The following UBE2N variants were observed in gnomAD, a reference collection of about 807,000 sequenced individuals.
The protein encoded by UBE2N is ubiquitin conjugating enzyme E2 N.
For missense variants in UBE2N, 60 were observed against 192.1 expected, an observed-to-expected ratio of 0.31 and a Z score of 4.07; for synonymous variants, 70 against 69.2, an observed-to-expected ratio of 1.01 and a Z score of -0.06.
In UBE2N at chr12:93,406,235, T is replaced by C. The variant is rs1302804804; in HGVS notation, c.*3804A>G. On this transcript the variant is annotated 3_prime_UTR_variant, in exon 4 of 4. Coordinates refer to ENST00000318066, the MANE Select transcript of UBE2N (RefSeq NM_003348.4). ...GTGAGCCAAGATCATGCCACAGCAC[T>C]CCAGCCTAAACTACAGAGCTAGAAA... The C allele has an allele frequency of 8.7e-6, 1 of 115,048 alleles. No individual in the cohort carries two copies. The highest frequency in any genetic ancestry group is 3.3e-5 in the African/African-American group (1 of 29,854). The allele number at this position is 115,048 out of a possible 1,614,324, so 7.1% of individuals were successfully genotyped here.
chr12:93,428,038 C>T (rs1419685910), intron 1 of UBE2N, among the ~76,000 whole-genome samples: 1 of 152,164 alleles, frequency 6.6e-6, no homozygotes, highest in Non-Finnish European at 1.5e-5. Flanking sequence ...ATTTCACCCT[C>T]CCAACTAGTA....
At chr12:93,433,446 G>A (rs955354904) in intron 1 of UBE2N, among the ~76,000 whole-genome samples, 1 of 152,144 alleles carries the variant, frequency 6.6e-6, no homozygotes, top group Non-Finnish European at 1.5e-5. Context: ...TTTAGCTGAA[G>A]TTAAAAGATT....
At chr12:93,411,323 T>C (rs2121055385) in intron 1 of UBE2N, 24 bp from the exon 2 acceptor site, 1 of 1,568,118 alleles carries the variant, frequency 6.4e-7, no homozygotes, top group Non-Finnish European at 8.6e-7. Flanking sequence ...ACAAACACAT[T>C]TGTGAAACAA....
chr12:93,429,687 G>T (rs1418210058), intron 1 of UBE2N, among the ~76,000 whole-genome samples: 1 of 151,974 alleles, frequency 6.6e-6, no homozygotes, highest in Non-Finnish European at 1.5e-5. Flanking sequence ...GAAGACCTTC[G>T]AGTAGGACAA....
chr12:93,431,113 G>C lies in UBE2N; in HGVS notation c.30+10742C>G, dbSNP rs542341052. 2.0e-5 allele frequency among the ~76,000 whole-genome samples: 3 copies of C among 152,238 alleles called. No homozygotes were observed. In the South Asian group the frequency reaches 6.2e-4, roughly 32 times the overall value. On this transcript the variant is annotated intron_variant, in intron 1 of 3. Transcript: ENST00000318066. ...GTGGTGGCGGGCACCTGTAATCCCAGCTACTCGGAAGGCTGAGGCAGGAGA... is the reference window on the plus strand; with the variant it reads ...GTGGTGGCGGGCACCTGTAATCCCACCTACTCGGAAGGCTGAGGCAGGAGA...
chr12:93,418,364 AAAAAC>A (rs138198665), intron 1 of UBE2N, among the ~76,000 whole-genome samples: 4 of 151,846 alleles, frequency 2.6e-5, no homozygotes, highest in African/African-American at 2.4e-5. Context: ...CTTGTCTCTT[AAAAAC>A]AAAACAAAAC....
chr12:93,414,245 T>C (rs138818440), intron 1 of UBE2N, among the ~76,000 whole-genome samples: 1 of 150,938 alleles, frequency 6.6e-6, no homozygotes, highest in Non-Finnish European at 1.5e-5. Context: ...AGGTCAGGAG[T>C]TCGAGACCAG....
chr12:93,424,700 T>C (rs561664908), intron 1 of UBE2N, among the ~76,000 whole-genome samples: 30 of 152,214 alleles, frequency 2.0e-4, no homozygotes, highest in Middle Eastern at 3.2e-3. Flanking sequence ...TACAGTGAAA[T>C]ACTTTGGATT....
Position 93,408,190 on chromosome 12 carries a change from C to T in UBE2N, c.*1849G>A, listed in dbSNP as rs1005123193. ...TTAAAGTGAGATTCAATTTCCTTAG[C>T]TATAGTCAAATGTACCCTTTAAACA... On this transcript the variant is annotated 3_prime_UTR_variant, in exon 4 of 4. Coordinates refer to ENST00000318066, the MANE Select transcript of UBE2N (RefSeq NM_003348.4). The T allele has an allele frequency of 6.6e-6, 1 of 152,162 alleles. No individual in the cohort carries two copies. The highest frequency in any genetic ancestry group is 1.5e-5 in the Non-Finnish European group (1 of 68,022). 9.4% of individuals were successfully genotyped at this position (152,162 alleles called of 1,614,324 possible).
At chr12:93,421,303 A>G (rs1045504495) in intron 1 of UBE2N, among the ~76,000 whole-genome samples, 11 of 151,748 alleles carry the variant, frequency 7.2e-5, no homozygotes, top group Non-Finnish European at 1.5e-4. Flanking sequence ...CCGGGTTCAC[A>G]CCATTCTCCT....
rs142379544 is a variant in UBE2N, at chr12:93,426,148, G to C, written c.31-14849C>G. Among the ~76,000 whole-genome samples, 295 of 152,240 alleles carry C rather than the reference G, an allele frequency of 1.9e-3. 1 individual carries two copies. The highest frequency in any genetic ancestry group is 3.8e-3 in the Admixed American group (58 of 15,294). Reference sequence around the variant, plus strand: ...TATCTCGTCCTGCACTACTAAGCCAGAAGAGGAAATGATCCAGACAACTCA... The same window carrying C: ...TATCTCGTCCTGCACTACTAAGCCACAAGAGGAAATGATCCAGACAACTCA... On this transcript the variant is annotated intron_variant, in intron 1 of 3. Coordinates refer to ENST00000318066, the MANE Select transcript of UBE2N (RefSeq NM_003348.4).
intron 1 of UBE2N, among the ~76,000 whole-genome samples, chr12:93,438,030 T>C (rs752368311): frequency 3.9e-5 from 6 of 152,258 alleles, no homozygotes; most frequent in Non-Finnish European, 8.8e-5. Context: ...GCTTTAACTT[T>C]TAGCTCAGAC....
At chr12:93,419,675 T>G (rs1878345737) in intron 1 of UBE2N, among the ~76,000 whole-genome samples, 1 of 152,182 alleles carries the variant, frequency 6.6e-6, no homozygotes, top group Non-Finnish European at 1.5e-5. Flanking sequence ...ATGAAAAAAC[T>G]GATGCTCTTA....
chr12:93,440,537 T>G (rs938624426), intron 1 of UBE2N, among the ~76,000 whole-genome samples: 2 of 152,228 alleles, frequency 1.3e-5, no homozygotes, highest in African/African-American at 4.8e-5. Flanking sequence ...TGCAATTGGA[T>G]GAAGCAGTAT....
chr12:93,437,922 T>C (rs1006422311), intron 1 of UBE2N, among the ~76,000 whole-genome samples: 1 of 152,130 alleles, frequency 6.6e-6, no homozygotes, highest in East Asian at 1.9e-4. Flanking sequence ...TCCTAGTTAA[T>C]AAAAAAAGAT....
At chr12:93,423,993 T>G (rs1213325498) in intron 1 of UBE2N, among the ~76,000 whole-genome samples, 3 of 152,210 alleles carry the variant, frequency 2.0e-5, no homozygotes. Flanking sequence ...TACATAAAAT[T>G]AATCTAAATA....
At chr12:93,416,197 A>C (rs1878202081) in intron 1 of UBE2N, among the ~76,000 whole-genome samples, 1 of 152,252 alleles carries the variant, frequency 6.6e-6, no homozygotes, top group Non-Finnish European at 1.5e-5. Context: ...AAAGGAATAA[A>C]ATCCAAACTA....
chr12:93,411,377 C>G (rs1878025754), intron 1 of UBE2N, 78 bp from the exon 2 acceptor site: 11 of 1,523,664 alleles, frequency 7.2e-6, no homozygotes, highest in Non-Finnish European at 9.7e-6. Flanking sequence ...GAAAGTTCAT[C>G]TCTTAGAACT....
Position 93,408,148 on chromosome 12 carries a change from T to C in UBE2N, c.*1891A>G, listed in dbSNP as rs765280850. On this transcript the variant is annotated 3_prime_UTR_variant, in exon 4 of 4. Transcript: ENST00000318066. ...TTGATTTCTATTTCGTTTCTTGAAG[T>C]TTTGTGTGGTTCATTTTTAAAGTGA... 2.0e-5 allele frequency: 3 copies of C among 152,194 alleles called. No individual in the cohort carries two copies. The highest frequency in any genetic ancestry group is 2.9e-5 in the Non-Finnish European group (2 of 68,032). 9.4% of individuals were successfully genotyped at this position (152,194 alleles called of 1,614,324 possible).
Sources: allele counts gnomAD v4.1 joint callset (sites outside exome capture counted in the v4.1 genomes callset), GRCh38; gene constraint gnomAD v4.1.1; transcripts MANE v1.5; gene names NCBI Gene and HGNC (gene_info 2026-07-23, HGNC 2026-07-21).